The following FAM240A variants were observed in gnomAD, a reference collection of about 807,000 sequenced individuals.
FAM240A encodes protein FAM240A.
Under a neutral mutation model 7.3 loss-of-function variants are expected in FAM240A, and 8 were observed. The ratio of observed to expected loss-of-function variants is 1.09; its 90% CI spans 0.64 to 1.97. The LOEUF is 1.97. Among genes scored for constraint, FAM240A ranks in the 30% most tolerant of loss-of-function variants. FAM240A has a pLI of 0.00. For missense variants in FAM240A, 90 were observed against 102.2 expected (o/e 0.88, Z 0.52); for synonymous variants, 32 against 35.9 (o/e 0.89, Z 0.38).
rs1697758870 is a variant in FAM240A at position 46,626,081 on chromosome 3, A to G, written c.*863A>G. ...CTGAGGCAATTATTTTAACCAAGGG[A>G]AGGGAGAAGAGATGCAATGATATAA... On this transcript the variant is annotated 3_prime_UTR_variant, in exon 3 of 3. Transcript: ENST00000640551. 1 of 152,214 alleles carries G rather than the reference A, an allele frequency of 6.6e-6. No individual in the cohort carries two copies. Among genetic ancestry groups the G allele is most frequent in the Non-Finnish European group, 1.5e-5 (1 of 68,050 alleles). The allele number at this position is 152,214 out of a possible 1,614,324, so 9.4% of individuals were successfully genotyped here.
chr3:46,622,289 G>A (rs1697706932), intron 2 of FAM240A, among the ~76,000 whole-genome samples: 1 of 151,536 alleles, frequency 6.6e-6, no homozygotes, highest in Non-Finnish European at 1.5e-5. Flanking sequence ...GTATTTTTTA[G>A]TAGAGACGGG....
At chr3:46,615,317 G>A (rs1250198175) in intron 1 of FAM240A, among the ~76,000 whole-genome samples, 1 of 151,448 alleles carries the variant, frequency 6.6e-6, no homozygotes, top group African/African-American at 2.4e-5. Context: ...CACAGCCTGA[G>A]CCCACTCCCC....
At chr3:46,615,057 G>A (rs1211390709) in intron 1 of FAM240A, among the ~76,000 whole-genome samples, 1 of 152,170 alleles carries the variant, frequency 6.6e-6, no homozygotes, top group Non-Finnish European at 1.5e-5. Flanking sequence ...TTTTAAAGAT[G>A]AGAAAACTGA....
Position 46,621,782 on chromosome 3 carries a change from A to G in FAM240A, c.162-3346A>G, listed in dbSNP as rs957487900. 5.2e-3 allele frequency among the ~76,000 whole-genome samples: 793 copies of G among 152,232 alleles called. 2 individuals are homozygous for G. The highest frequency in any genetic ancestry group is 0.018 in the African/African-American group (737 of 41,524). On this transcript the variant is annotated intron_variant, in intron 2 of 2. Transcript: ENST00000640551. ...CAGAGACCCCGCCTTCTCAAAAAAA[A>G]AAAAACTACATAGTTGGATTGGATG...
chr3:46,620,591 C>T (rs1697683169), intron 2 of FAM240A, among the ~76,000 whole-genome samples: 1 of 150,726 alleles, frequency 6.6e-6, no homozygotes, highest in Non-Finnish European at 1.5e-5. Flanking sequence ...GTTACAGTCA[C>T]ACAGGAATAC....
At chr3:46,619,594 C>A (rs1278941612) in intron 2 of FAM240A, among the ~76,000 whole-genome samples, 1 of 152,194 alleles carries the variant, frequency 6.6e-6, no homozygotes, top group African/African-American at 2.4e-5. Flanking sequence ...CTGAGCGTTT[C>A]TTTCTGCAGT....
At chr3:46,618,362 C>G (rs2107142941) in intron 2 of FAM240A, among the ~76,000 whole-genome samples, 1 of 152,312 alleles carries the variant, frequency 6.6e-6, no homozygotes, top group South Asian at 2.1e-4. Flanking sequence ...TCTTCGTCCC[C>G]CAGGCTATGC....
chr3:46,620,203 G>A (rs1575386106), intron 2 of FAM240A, among the ~76,000 whole-genome samples: 1 of 151,410 alleles, frequency 6.6e-6, no homozygotes, highest in East Asian at 1.9e-4. Flanking sequence ...GAGAGGACTG[G>A]AGGCTAAGTC....
intron 2 of FAM240A, among the ~76,000 whole-genome samples, chr3:46,617,661 A>T (rs943155950): frequency 3.3e-5 from 5 of 152,284 alleles, no homozygotes; most frequent in East Asian, 1.9e-4. Context: ...TATGAACTGG[A>T]AAACTCTCTC....
chr3:46,616,518 C>T (rs1697630115), intron 1 of FAM240A, among the ~76,000 whole-genome samples: 6 of 152,146 alleles, frequency 3.9e-5, no homozygotes, highest in Admixed American at 3.9e-4. Context: ...GCCCATTATA[C>T]CACTCTGTTT....
Position 46,618,880 on chromosome 3 carries a change from TATACACACACAC to T in FAM240A, c.161+1554_161+1565del, listed in dbSNP as rs1172438080. ...ATATATATATATGTATATATATATA[TATACACACACAC>T]ACACACACACACACACACACACACA... is the stretch of plus-strand genomic sequence containing the variant. On this transcript the variant is annotated intron_variant, in intron 2 of 2. Transcript: ENST00000640551. 5.9e-4 allele frequency among the ~76,000 whole-genome samples: 49 copies of T among 83,108 alleles called. 1 individual carries two copies. In the South Asian group the frequency reaches 0.012, roughly 20 times the overall value. The allele number at this position is 83,108 out of a possible 152,430, so 54.5% of individuals were successfully genotyped here. A position where few individuals can be genotyped will look rare whatever the true frequency, so the allele number is the denominator to read the frequency against.
At chr3:46,616,522 T>A (rs1697630196) in intron 1 of FAM240A, among the ~76,000 whole-genome samples, 1 of 152,184 alleles carries the variant, frequency 6.6e-6, no homozygotes. Context: ...ATTATACCAC[T>A]CTGTTTGCCT....
intron 2 of FAM240A, among the ~76,000 whole-genome samples, chr3:46,618,275 C>T (rs150240451): frequency 1.3e-4 from 20 of 152,350 alleles, no homozygotes; most frequent in Non-Finnish European, 2.2e-4. Context: ...TCCCGACTAC[C>T]ATCCCACCTG....
chr3:46,624,325 G>T (rs764578703), intron 2 of FAM240A, among the ~76,000 whole-genome samples: 19 of 136,418 alleles, frequency 1.4e-4, no homozygotes, highest in Non-Finnish European at 1.8e-4. Context: ...AAGCTGAAGT[G>T]CAGTGGCACA....
At chr3:46,612,992 T>C (rs189694811) in intron 1 of FAM240A, among the ~76,000 whole-genome samples, 7 of 152,264 alleles carry the variant, frequency 4.6e-5, no homozygotes, top group Admixed American at 3.3e-4. Flanking sequence ...ACGTTACCTG[T>C]GAAGGAATGG....
At chr3:46,619,598 C>G (rs955666663) in intron 2 of FAM240A, among the ~76,000 whole-genome samples, 2 of 152,210 alleles carry the variant, frequency 1.3e-5, no homozygotes, top group Admixed American at 6.5e-5. Context: ...GCGTTTCTTT[C>G]TGCAGTCTTC....
chr3:46,618,910 C>T (rs1190021923), intron 2 of FAM240A, among the ~76,000 whole-genome samples: 1 of 149,058 alleles, frequency 6.7e-6, no homozygotes, highest in Non-Finnish European at 1.5e-5. Flanking sequence ...CACACACACA[C>T]ACACACACAT....
intron 1 of FAM240A, among the ~76,000 whole-genome samples, chr3:46,613,605 G>A (rs142172641): frequency 9.9e-5 from 15 of 151,882 alleles, no homozygotes; most frequent in Non-Finnish European, 1.3e-4. Context: ...CCCCCAACTC[G>A]ACCTCAGCCA....
intron 2 of FAM240A, among the ~76,000 whole-genome samples, chr3:46,618,939 C>A (rs1697666088): frequency 6.7e-6 from 1 of 149,282 alleles, no homozygotes; most frequent in Non-Finnish European, 1.5e-5. Flanking sequence ...TCTATCTATG[C>A]ATATAATAAA....
Sources: allele counts gnomAD v4.1 joint callset (sites outside exome capture counted in the v4.1 genomes callset), GRCh38; gene constraint gnomAD v4.1.1; transcripts MANE v1.5; gene names NCBI Gene and HGNC (gene_info 2026-07-23, HGNC 2026-07-21).